The following MBP variants were observed in gnomAD, a reference collection of about 807,000 sequenced individuals.
MBP encodes the protein Golli-MBP.
A neutral mutation model predicts 35.8 loss-of-function variants in MBP; 16 were observed. That is an observed-to-expected ratio of 0.45 (90% CI 0.30 to 0.68). The LOEUF (loss-of-function observed/expected upper bound fraction) is 0.68. Among genes scored for constraint, MBP ranks in the 30% least tolerant of loss-of-function variants. The probability of loss-of-function intolerance (pLI) is 0.08; values close to 1 mark genes in which losing one functional copy is unlikely to be tolerated. For missense variants in MBP, 380 were observed against 404.7 expected (o/e 0.94, Z 0.52); for synonymous variants, 143 against 159.6 (o/e 0.90, Z 0.78).
At chr18:77,115,554 T>C (rs1303346499) in intron 1 of MBP, 1 of 152,250 alleles carries the variant, frequency 6.6e-6, no homozygotes, top group Non-Finnish European at 1.5e-5. Flanking sequence ...AGAAGAATGC[T>C]GTGCTGTGGC....
intron 2 of MBP, among the ~76,000 whole-genome samples, chr18:77,075,818 G>A (rs1217140171): frequency 1.3e-5 from 2 of 152,194 alleles, no homozygotes; most frequent in African/African-American, 2.4e-5. Context: ...CAATGGAAGA[G>A]ATTAGGCTAA....
At chr18:76,994,050 C>T (rs1346558027) in intron 4 of MBP, among the ~76,000 whole-genome samples, 1 of 152,236 alleles carries the variant, frequency 6.6e-6, no homozygotes, top group Non-Finnish European at 1.5e-5. Context: ...TGTATTTAGT[C>T]ACCACTAACC....
intron 8 of MBP, 106 bp from the exon 9 acceptor site, chr18:76,980,577 C>T: frequency 1.2e-6 from 1 of 810,922 alleles, no homozygotes; most frequent in East Asian, 2.4e-5. Context: ...TTGGGTGTCT[C>T]TCTCATCTGC....
At position 77,024,810 on chromosome 18, in the gene MBP, A is replaced by G. The variant is rs571829666; in HGVS notation, c.140-7542T>C. On this transcript the variant is annotated intron_variant, in intron 3 of 8. Transcript: ENST00000355994. ...TGCTCCAGCAAGTCGCTGAGCCCAGATGTGCCTGTTTCTGTGTTTATGAGA... is the reference window on the plus strand; with the variant it reads ...TGCTCCAGCAAGTCGCTGAGCCCAGGTGTGCCTGTTTCTGTGTTTATGAGA... Among the ~76,000 whole-genome samples, 6 of 152,344 alleles carry G rather than the reference A, an allele frequency of 3.9e-5. No individual in the cohort carries two copies. In the East Asian group the frequency reaches 1.2e-3, roughly 29 times the overall value.
At chr18:77,035,667 G>T (rs977432459) in intron 3 of MBP, among the ~76,000 whole-genome samples, 2 of 152,210 alleles carry the variant, frequency 1.3e-5, no homozygotes, top group African/African-American at 4.8e-5. Context: ...TGAAGGGGGG[G>T]GGACCATGAG....
At chr18:77,049,556 TATTAGGA>T (rs1166750529) in intron 3 of MBP, among the ~76,000 whole-genome samples, 1 of 152,258 alleles carries the variant, frequency 6.6e-6, no homozygotes, top group Admixed American at 6.5e-5. Flanking sequence ...ATTTATTTAT[TATTAGGA>T]AAAGAGTAAG....
rs1973133352 is a variant in MBP, at chr18:77,044,300, G to T, written c.139+21998C>A. On this transcript the variant is annotated intron_variant, in intron 3 of 8. Coordinates refer to ENST00000355994, the MANE Select transcript of MBP (RefSeq NM_001025101.2). The surrounding 1 kb of genome is among the most constrained non-coding windows in gnomAD (Gnocchi z 4.4). ...TCAAAGACTGCATGCCTGAGACGGG[G>T]TCCAAACCCCTCTTCAACTGTCCTC... 6.6e-6 allele frequency among the ~76,000 whole-genome samples: 1 copy of T among 152,072 alleles called. No homozygotes were observed. The highest frequency in any genetic ancestry group is 1.5e-5 in the Non-Finnish European group (1 of 68,022).
intron 4 of MBP, chr18:77,005,174 C>T (rs1369368815): frequency 6.6e-6 from 1 of 152,274 alleles, no homozygotes; most frequent in Non-Finnish European, 1.5e-5. Context: ...GTTCCAGCTT[C>T]CTCATCCTGG....
At chr18:77,071,659 C>T (rs746872577) in intron 2 of MBP, among the ~76,000 whole-genome samples, 9 of 152,196 alleles carry the variant, frequency 5.9e-5, no homozygotes, top group Non-Finnish European at 1.0e-4. Context: ...TCTGGTTCTG[C>T]ATCCTCAGTA....
At chr18:77,105,936 C>T (rs550415416) in intron 1 of MBP, among the ~76,000 whole-genome samples, 16 of 152,292 alleles carry the variant, frequency 1.1e-4, no homozygotes, top group African/African-American at 3.9e-4. Flanking sequence ...CCAAGATATG[C>T]AAAGAACGGA....
intron 3 of MBP, among the ~76,000 whole-genome samples, chr18:77,034,052 A>C (rs1384698667): frequency 7.1e-5 from 2 of 28,340 alleles, no homozygotes; most frequent in Non-Finnish European, 1.1e-4. Context: ...CTAATGGGGC[A>C]AAAAAAAAAA....
At chr18:77,076,968 G>C (rs1239433967) in intron 2 of MBP, among the ~76,000 whole-genome samples, 1 of 152,174 alleles carries the variant, frequency 6.6e-6, no homozygotes, top group Non-Finnish European at 1.5e-5. Context: ...GTACAAGAGT[G>C]AGAATAATAG....
rs181676428 is a variant in MBP, at chr18:77,042,110, A to T, written c.139+24188T>A. 8.1e-4 allele frequency among the ~76,000 whole-genome samples: 123 copies of T among 152,128 alleles called. 1 individual carries two copies. The Middle Eastern group carries it at 0.01, about 13-fold the overall frequency. ...TCAAGGAAAACCATGAATTCACAATAAACTGGAAAGAACTCTCATTTTCTC... is the reference window on the plus strand; with the variant it reads ...TCAAGGAAAACCATGAATTCACAATTAACTGGAAAGAACTCTCATTTTCTC... On this transcript the variant is annotated intron_variant, in intron 3 of 8. Coordinates refer to ENST00000355994, the MANE Select transcript of MBP (RefSeq NM_001025101.2).
intron 2 of MBP, among the ~76,000 whole-genome samples, chr18:77,078,217 T>C (rs1256323237): frequency 1.3e-5 from 2 of 152,236 alleles, no homozygotes; most frequent in Non-Finnish European, 2.9e-5. Context: ...TGAGTCACTT[T>C]CCAGGTCATA....
intron 3 of MBP, among the ~76,000 whole-genome samples, chr18:77,025,782 C>T (rs1972196636): frequency 2.8e-5 from 4 of 143,932 alleles, no homozygotes; most frequent in Admixed American, 7.1e-5. Flanking sequence ...TCACATCGCA[C>T]AAGTAACTTC....
Position 76,989,686 on chromosome 18 carries a change from T to A in MBP, c.681+270A>T. On this transcript the variant is annotated intron_variant, in intron 5 of 8. Transcript: ENST00000355994. This position sits in a 1 kb window ranked among gnomAD's most constrained non-coding sequence, Gnocchi z 4.0. ...GGTTGCAAAGCCTGTGTTTTTAGGC[T>A]AAGCGTTACATGGGAGCCTAATCTC... The A allele has an allele frequency of 2.4e-6, 1 of 411,128 alleles. No individual in the cohort carries two copies. The highest frequency in any genetic ancestry group is 4.4e-6 in the Non-Finnish European group (1 of 225,124). The allele number at this position is 411,128 out of a possible 1,614,324, so 25.5% of individuals were successfully genotyped here.
chr18:77,114,637 C>G lies in MBP; in HGVS notation c.-25-9351G>C, dbSNP rs1205412550. ...GCTGTGTAAGTCCTGACAAGCCATG[C>G]CAACACCGTCACGCTGGGACTGGCC... On this transcript the variant is annotated intron_variant, in intron 1 of 8. Coordinates refer to ENST00000355994, the MANE Select transcript of MBP (RefSeq NM_001025101.2). The G allele has an allele frequency of 1.3e-5, 2 of 152,266 alleles. 1 individual carries two copies. Among genetic ancestry groups the G allele is most frequent in the African/African-American group, 4.8e-5 (2 of 41,464 alleles). The allele number at this position is 152,266 out of a possible 1,614,324, so 9.4% of individuals were successfully genotyped here. A position where few individuals can be genotyped will look rare whatever the true frequency, so the allele number is the denominator to read the frequency against.
chr18:77,068,301 G>A (rs1974288132), intron 2 of MBP, among the ~76,000 whole-genome samples: 1 of 152,218 alleles, frequency 6.6e-6, no homozygotes, highest in Non-Finnish European at 1.5e-5. Context: ...CCCGTATGAA[G>A]TATGGTACCA....
intron 3 of MBP, among the ~76,000 whole-genome samples, chr18:77,047,730 A>T (rs1180292594): frequency 2.0e-5 from 3 of 152,278 alleles, no homozygotes; most frequent in Non-Finnish European, 2.9e-5. Context: ...TCAACAAAAC[A>T]GAAAATACAT....
Sources: gnomAD v4.1 joint callset for allele counts (sites outside exome capture counted in the v4.1 genomes callset) on GRCh38, gnomAD v4.1.1 for gene constraint, Gnocchi (gnomAD v3.1) non-coding constraint, MANE v1.5 for transcripts, NCBI Gene and HGNC (gene_info 2026-07-23, HGNC 2026-07-21) for gene names.